PRKAG2: variants seen among roughly 807,000 people sequenced by gnomAD.
PRKAG2 encodes protein kinase AMP-activated non-catalytic subunit gamma 2.
PRKAG2 carries 26 observed loss-of-function variants against 69.6 expected under a neutral mutation model. The observed-to-expected ratio is 0.37, with a 90% CI of 0.27 to 0.52. The LOEUF (loss-of-function observed/expected upper bound fraction) is 0.52. PRKAG2 is among the 20% of genes least tolerant of loss of function. The pLI is 0.90. For missense variants in PRKAG2, 557 were observed against 740.0 expected (o/e 0.75, Z 2.87); for synonymous variants, 293 against 285.0 (o/e 1.03, Z -0.28).
At chr7:151,818,004 C>A (rs148135015) in intron 1 of PRKAG2, among the ~76,000 whole-genome samples, 1 of 152,286 alleles carries the variant, frequency 6.6e-6, no homozygotes, top group East Asian at 1.9e-4. Context: ...AGTTGAGAGT[C>A]CCCCTTTACA....
At chr7:151,846,654 A>G (rs1378531172) in intron 1 of PRKAG2, among the ~76,000 whole-genome samples, 4 of 152,088 alleles carry the variant, frequency 2.6e-5, no homozygotes, top group Non-Finnish European at 5.9e-5. Flanking sequence ...GTATGTCTGT[A>G]TGTGTAGGTG....
At chr7:151,612,328 T>C (rs1464390582) in intron 5 of PRKAG2, among the ~76,000 whole-genome samples, 2 of 152,172 alleles carry the variant, frequency 1.3e-5, no homozygotes, top group Non-Finnish European at 2.9e-5. Context: ...AATCCTTATC[T>C]GTACTTGTGA....
At chr7:151,573,943 T>A (rs1808293533) in intron 8 of PRKAG2, among the ~76,000 whole-genome samples, 1 of 152,122 alleles carries the variant, frequency 6.6e-6, no homozygotes, top group African/African-American at 2.4e-5. Context: ...CACACCCAGC[T>A]AATTTTTGTA....
At chr7:151,769,101 T>C (rs3934597) in intron 3 of PRKAG2, among the ~76,000 whole-genome samples, 106,352 of 152,164 alleles carry the variant, frequency 0.7, 37,659 homozygotes, top group East Asian at 0.98. Context: ...GGCAGCTTTC[T>C]ACAGTGTTTT....
Position 151,827,262 on chromosome 7 carries a change from A to C in PRKAG2, c.115-40721T>G, listed in dbSNP as rs1172888087. Reference sequence around the variant, plus strand: ...TTATTCATTCATTTATTTTTGAGACAGGGTCTCACTCTGTTGCCTAGGCTG... The same window carrying C: ...TTATTCATTCATTTATTTTTGAGACCGGGTCTCACTCTGTTGCCTAGGCTG... On this transcript the variant is annotated intron_variant, in intron 1 of 15. Coordinates refer to ENST00000287878, the MANE Select transcript of PRKAG2 (RefSeq NM_016203.4). Among the ~76,000 whole-genome samples the C allele has an allele frequency of 2.6e-5, 4 of 152,112 alleles. No homozygotes were observed. The South Asian group carries it at 8.3e-4, about 32-fold the overall frequency.
At chr7:151,744,804 G>A (rs1237557240) in intron 3 of PRKAG2, among the ~76,000 whole-genome samples, 9 of 152,148 alleles carry the variant, frequency 5.9e-5, no homozygotes, top group Non-Finnish European at 1.5e-5. Flanking sequence ...GGCCGACCGA[G>A]AGATCCACCA....
At chr7:151,652,061 T>C (rs1169529124) in intron 4 of PRKAG2, among the ~76,000 whole-genome samples, 1 of 152,222 alleles carries the variant, frequency 6.6e-6, no homozygotes, top group African/African-American at 2.4e-5. Flanking sequence ...ATGATAGGTA[T>C]GTGAGGTGAC....
chr7:151,785,005 C>T (rs527445386), intron 2 of PRKAG2, among the ~76,000 whole-genome samples: 1 of 152,364 alleles, frequency 6.6e-6, no homozygotes, highest in South Asian at 2.1e-4. Flanking sequence ...CCAGCTGAAG[C>T]CACCAGGGAC....
intron 15 of PRKAG2, chr7:151,558,664 C>T (rs999999564): frequency 1.3e-4 from 123 of 982,056 alleles, no homozygotes; most frequent in Non-Finnish European, 1.5e-4. Flanking sequence ...TTTTCCTCAA[C>T]AAATCGTGTT....
intron 9 of PRKAG2, among the ~76,000 whole-genome samples, chr7:151,571,866 A>G (rs1274037843): frequency 6.6e-6 from 1 of 152,214 alleles, no homozygotes; most frequent in Non-Finnish European, 1.5e-5. Flanking sequence ...CAAGCATATT[A>G]TGGGAAACAC....
At chr7:151,842,515 T>G (rs1392995381) in intron 1 of PRKAG2, among the ~76,000 whole-genome samples, 3 of 143,006 alleles carry the variant, frequency 2.1e-5, no homozygotes, top group Non-Finnish European at 4.6e-5. Flanking sequence ...GGGATGGTAG[T>G]GATGGTAGGT....
intron 4 of PRKAG2, among the ~76,000 whole-genome samples, chr7:151,667,321 G>T (rs1780639977): frequency 6.6e-6 from 1 of 152,178 alleles, no homozygotes; most frequent in Admixed American, 6.5e-5. Context: ...TATCTGAGGG[G>T]ATGCAAACCG....
At chr7:151,619,950 G>T (rs965440987) in intron 5 of PRKAG2, among the ~76,000 whole-genome samples, 1 of 152,202 alleles carries the variant, frequency 6.6e-6, no homozygotes, top group Non-Finnish European at 1.5e-5. Flanking sequence ...GAATCCAGGA[G>T]GCAGAGGTTG....
In PRKAG2 at chr7:151,601,119, C is replaced by T. The variant is rs117772122; in HGVS notation, c.755-5665G>A. On this transcript the variant is annotated intron_variant, in intron 5 of 15. Coordinates refer to ENST00000287878, the MANE Select transcript of PRKAG2 (RefSeq NM_016203.4). ...AGGACCCCTGTGTCCTGGGCCCTGT[C>T]CTGGGGTTACCCACAGGGGGACACA... Among the ~76,000 whole-genome samples, 1,074 of 152,234 alleles carry T rather than the reference C, an allele frequency of 7.1e-3. 10 individuals carry two copies. The highest frequency in any genetic ancestry group is 0.01 in the Non-Finnish European group (686 of 68,018).
chr7:151,813,751 C>A (rs1434241775), intron 1 of PRKAG2, among the ~76,000 whole-genome samples: 1 of 152,166 alleles, frequency 6.6e-6, no homozygotes, highest in South Asian at 2.1e-4. Flanking sequence ...CTTCCTCTCT[C>A]CCCCACTCCC....
At position 151,807,881 on chromosome 7, in the gene PRKAG2, G is replaced by A. The variant is rs1216752054; in HGVS notation, c.115-21340C>T. Among the ~76,000 whole-genome samples the A allele has an allele frequency of 1.3e-5, 2 of 152,142 alleles. No homozygotes were observed. The highest frequency in any genetic ancestry group is 2.9e-5 in the Non-Finnish European group (2 of 68,026). The stretch of plus-strand genomic sequence containing the variant: ...CAACGGCCAAACAGAAAAACCGCTT[G>A]GAGAATAAAAGTCGGGGGAAGCCTG... On this transcript the variant is annotated intron_variant, in intron 1 of 15. Coordinates refer to ENST00000287878, the MANE Select transcript of PRKAG2 (RefSeq NM_016203.4). This position sits in a 1 kb window ranked among gnomAD's most constrained non-coding sequence, Gnocchi z 4.4.
chr7:151,632,178 G>A lies in PRKAG2; in HGVS notation c.685-40C>T, dbSNP rs763295863. 7.9e-7 allele frequency: 1 copy of A among 1,270,644 alleles called. No individual in the cohort carries two copies. Among genetic ancestry groups the A allele is most frequent in the Non-Finnish European group, 1.0e-6 (1 of 998,280 alleles). The allele number at this position is 1,270,644 out of a possible 1,614,324, so 78.7% of individuals were successfully genotyped here. On this transcript the variant is annotated intron_variant, in intron 4 of 15. Coordinates refer to ENST00000287878, the MANE Select transcript of PRKAG2 (RefSeq NM_016203.4). The surrounding 1 kb of genome is among the most constrained non-coding windows in gnomAD (Gnocchi z 4.2). ...GAGGACAGCGATCAGCATGAGCTGC[G>A]ACGCTCGTCCCCGGCCGGCGGGCTC... is the stretch of plus-strand genomic sequence containing the variant.
chr7:151,559,051 T>A, intron 15 of PRKAG2: 13 of 985,444 alleles, frequency 1.3e-5, no homozygotes, highest in Non-Finnish European at 1.6e-5. Flanking sequence ...GGTGCCAAGC[T>A]ATATACCTGT....
intron 4 of PRKAG2, among the ~76,000 whole-genome samples, chr7:151,652,836 C>T (rs1480823037): frequency 2.6e-5 from 4 of 152,064 alleles, no homozygotes; most frequent in African/African-American, 9.7e-5. Context: ...CCAGGCTGGG[C>T]TTGAACTCCT....
Sources: gnomAD v4.1 joint callset for allele counts (sites outside exome capture counted in the v4.1 genomes callset) on GRCh38, gnomAD v4.1.1 for gene constraint, Gnocchi (gnomAD v3.1) non-coding constraint, MANE v1.5 for transcripts, NCBI Gene and HGNC (gene_info 2026-07-23, HGNC 2026-07-21) for gene names.